Variants in TSR2 observed in about 807,000 individuals in gnomAD.
TSR2 encodes TSR2 ribosome maturation factor.
Under a neutral mutation model 13.3 loss-of-function variants are expected in TSR2, and 1 was observed. The ratio of observed to expected loss-of-function variants is 0.08; its 90% CI spans 0.03 to 0.36. The LOEUF (loss-of-function observed/expected upper bound fraction) is 0.36. Ranked by LOEUF, TSR2 falls within the 10% of genes least tolerant of loss-of-function variation. The probability of loss-of-function intolerance (pLI) is 0.99; values close to 1 mark genes in which losing one functional copy is unlikely to be tolerated. For missense variants in TSR2, 120 were observed against 151.1 expected, an observed-to-expected ratio of 0.79 and a Z score of 1.08; for synonymous variants, 60 against 57.7, an observed-to-expected ratio of 1.04 and a Z score of -0.18.
At chrX:54,441,205 T>C (rs1171276731) in intron 2 of TSR2, among the ~76,000 whole-genome samples, 1 of 112,333 alleles carries the variant, frequency 8.9e-6, no homozygotes, top group Admixed American at 9.4e-5. Context: ...TGAGATATTT[T>C]ACATTTTTTA....
chrX:54,447,915 G>A lies in TSR2; in HGVS notation c.*3365G>A, dbSNP rs746103628. 8.9e-6 allele frequency among the ~76,000 whole-genome samples: 1 copy of A among 112,107 alleles called. No individual in the cohort carries two copies. Among genetic ancestry groups the A allele is most frequent in the South Asian group, 3.7e-4 (1 of 2,688 alleles). On this transcript the variant is annotated 3_prime_UTR_variant, in exon 5 of 5. Coordinates refer to ENST00000375151, the MANE Select transcript of TSR2 (RefSeq NM_058163.3). ...AAAATGTATTGACTTGGAGAGCAAAGAGAGCTGATGTGAGAATTAAATGAA... is the reference window on the plus strand; with the variant it reads ...AAAATGTATTGACTTGGAGAGCAAAAAGAGCTGATGTGAGAATTAAATGAA...
At chrX:54,440,606 G>A (rs1921890841) in intron 1 of TSR2, 84 bp from the exon 2 acceptor site, 3 of 1,139,258 alleles carry the variant, frequency 2.6e-6, no homozygotes, top group Non-Finnish European at 3.6e-6. Flanking sequence ...CATAAGAGGA[G>A]TTGGCTGGGC....
In TSR2 at chrX:54,445,634, TG is replaced by T. The variant is rs1425907655; in HGVS notation, c.*1087del. 1 of 117,219 alleles carries T rather than the reference TG, an allele frequency of 8.5e-6. No homozygotes were observed. The highest frequency in any genetic ancestry group is 3.3e-5 in the African/African-American group (1 of 30,711). The allele number at this position is 117,219 out of a possible 1,213,427, so 9.7% of individuals were successfully genotyped here. A position where few individuals can be genotyped will look rare whatever the true frequency, so the allele number is the denominator to read the frequency against. ...GGGGCCGGGTAGAAGCTGTAAGCCA[TG>T]GGAGAGGCAGGAGAGGTCTAGTTGC... On this transcript the variant is annotated 3_prime_UTR_variant, in exon 5 of 5. Transcript: ENST00000375151.
chrX:54,446,109 C>T lies in TSR2; in HGVS notation c.*1559C>T. ...GGGCTCCCAGTTTGTCCCAAACCCT[C>T]TAGGTCTTGTCTCGGGTCTGGGGGG... On this transcript the variant is annotated 3_prime_UTR_variant, in exon 5 of 5. Coordinates refer to ENST00000375151, the MANE Select transcript of TSR2 (RefSeq NM_058163.3). 8.3e-7 allele frequency: 1 copy of T among 1,206,315 alleles called. No homozygotes were observed. Among genetic ancestry groups the T allele is most frequent in the Non-Finnish European group, 1.1e-6 (1 of 892,761 alleles).
rs1922262035 is a variant in TSR2 at position 54,447,703 on chromosome X, T to TAA, written c.*3153_*3154insAA. Among the ~76,000 whole-genome samples the TAA allele has an allele frequency of 1.8e-5, 2 of 112,548 alleles. No individual in the cohort carries two copies. Among genetic ancestry groups the TAA allele is most frequent in the Non-Finnish European group, 3.8e-5 (2 of 53,326 alleles). ...CAGGCCAGTGGAAGGAGTGTGCGGA[T>TAA]CTCAGGCATTCTTTCTTCAGTCAGA... On this transcript the variant is annotated 3_prime_UTR_variant, in exon 5 of 5. Transcript: ENST00000375151.
rs1021456673 is a variant in TSR2 at position 54,447,424 on chromosome X, C to T, written c.*2874C>T. The T allele has an allele frequency of 1.5e-5, 18 of 1,209,881 alleles. No individual in the cohort carries two copies. Among genetic ancestry groups the T allele is most frequent in the Middle Eastern group, 2.3e-4 (1 of 4,352 alleles). On this transcript the variant is annotated 3_prime_UTR_variant, in exon 5 of 5. Coordinates refer to ENST00000375151, the MANE Select transcript of TSR2 (RefSeq NM_058163.3). ...ATGTAGTGCAGGAAGCTGCAGATGA[C>T]GCTGTTCTCTGCAGCCACTGAGGCC...
Position 54,446,721 on chromosome X carries a change from C to CTTTT in TSR2, c.*2188_*2191dup, listed in dbSNP as rs1226487472. 1.1e-3 allele frequency among the ~76,000 whole-genome samples: 98 copies of CTTTT among 87,675 alleles called. 1 individual carries two copies. The highest frequency in any genetic ancestry group is 3.8e-3 in the African/African-American group (87 of 23,029). 76.1% of individuals were successfully genotyped at this position (87,675 alleles called of 115,157 possible). On this transcript the variant is annotated 3_prime_UTR_variant, in exon 5 of 5. Coordinates refer to ENST00000375151, the MANE Select transcript of TSR2 (RefSeq NM_058163.3). Reference sequence around the variant, plus strand: ...CTATGCTATTGCCCCTATCTGCATACTTTTTTTTTTTTTTTTTTTTGAGAC... The same window carrying CTTTT: ...CTATGCTATTGCCCCTATCTGCATACTTTTTTTTTTTTTTTTTTTTTTTTGAGAC...
Position 54,446,005 on chromosome X carries a change from G to A in TSR2, c.*1455G>A, listed in dbSNP as rs1922148990. 6.8e-6 allele frequency: 4 copies of A among 587,574 alleles called. No homozygotes were observed. The South Asian group carries it at 1.3e-4, about 18-fold the overall frequency. 48.4% of individuals were successfully genotyped at this position (587,574 alleles called of 1,213,427 possible). A position where few individuals can be genotyped will look rare whatever the true frequency, so the allele number is the denominator to read the frequency against. Reference sequence around the variant, plus strand: ...TTCGGGATTGAAAGTGCCCGTGATGGGAGTTCAAGTATTGACTGAGCTGGG... The same window carrying A: ...TTCGGGATTGAAAGTGCCCGTGATGAGAGTTCAAGTATTGACTGAGCTGGG... On this transcript the variant is annotated 3_prime_UTR_variant, in exon 5 of 5. Transcript: ENST00000375151.
intron 1 of TSR2, 79 bp from the exon 2 acceptor site, chrX:54,440,611 C>T (rs937584623): frequency 2.6e-5 from 30 of 1,135,508 alleles, no homozygotes; most frequent in African/African-American, 3.6e-5. Context: ...GAGGAGTTGG[C>T]TGGGCGGCGT....
chrX:54,440,837 C>A, intron 2 of TSR2, 57 bp downstream of exon 2: 1 of 968,218 alleles, frequency 1.0e-6, no homozygotes, highest in Non-Finnish European at 1.4e-6. Flanking sequence ...GAGGAGGAGC[C>A]CCATCCCGCA....
chrX:54,440,722 C>T lies in TSR2; in HGVS notation c.114C>T (p.His38=). Reference sequence around the variant, plus strand: ...TGGAGAATGGCTTCGGGGGTGTGCACAGCCAGGAGAAGGCCAAGTGGCTGG... The same window carrying T: ...TGGAGAATGGCTTCGGGGGTGTGCATAGCCAGGAGAAGGCCAAGTGGCTGG... ...IAVENGFGGV[H]SQEKAKWLGG... The change falls in exon 2 of 5, where the codon CAC becomes CAT. Residue 38 remains histidine, a synonymous_variant. Coordinates refer to ENST00000375151, the MANE Select transcript of TSR2 (RefSeq NM_058163.3). 3 of 1,209,215 alleles carry T rather than the reference C, an allele frequency of 2.5e-6. No individual in the cohort carries two copies. Among genetic ancestry groups the T allele is most frequent in the East Asian group, 3.0e-5 (1 of 33,572 alleles).
Position 54,444,764 on chromosome X carries a change from T to G in TSR2, c.*214T>G. 1 of 316,332 alleles carries G rather than the reference T, an allele frequency of 3.2e-6. No homozygotes were observed. The highest frequency in any genetic ancestry group is 5.4e-5 in the East Asian group (1 of 18,518). 26.1% of individuals were successfully genotyped at this position (316,332 alleles called of 1,213,427 possible). On this transcript the variant is annotated 3_prime_UTR_variant, in exon 5 of 5. Coordinates refer to ENST00000375151, the MANE Select transcript of TSR2 (RefSeq NM_058163.3). Reference sequence around the variant, plus strand: ...CTTTTCCAGCATATTCCCCTGGGCCTTTAGTTAACATCCGAGTGACGAAGC... The same window carrying G: ...CTTTTCCAGCATATTCCCCTGGGCCGTTAGTTAACATCCGAGTGACGAAGC...
At position 54,440,486 on chromosome X, in the gene TSR2, C is replaced by A; in HGVS notation, c.65C>A (p.Ala22Asp). 1 of 1,138,707 alleles carries A rather than the reference C, an allele frequency of 8.8e-7. No homozygotes were observed. The highest frequency in any genetic ancestry group is 1.2e-6 in the Non-Finnish European group (1 of 862,036). 93.8% of individuals were successfully genotyped at this position (1,138,707 alleles called of 1,213,427 possible). ...GCTGGGGTCTGCGCGGCCCTGGAGG[C>A]CTGGCCGGCCTTGCAGGTCAGTGGG... The part of the protein sequence containing the change: ...FRAGVCAALE[A>D]WPALQIAVEN... Residue 22 changes from alanine (A) to aspartate (D), a missense_variant, in exon 1 of 5, where the codon GCC becomes GAC. Ala to Asp is a moderately radical substitution (Grantham distance 126). Coordinates refer to ENST00000375151, the MANE Select transcript of TSR2 (RefSeq NM_058163.3).
chrX:54,440,525 CA>C, intron 1 of TSR2, 23 bp downstream of exon 1: 1 of 1,141,442 alleles, frequency 8.8e-7, no homozygotes, highest in Non-Finnish European at 1.2e-6. Flanking sequence ...AGGGCCAGGG[CA>C]AGGTCAAGGT....
At chrX:54,443,884 G>T in intron 3 of TSR2, 124 bp from the exon 4 acceptor site, 1 of 1,000,927 alleles carries the variant, frequency 1.0e-6, no homozygotes. Context: ...TAATTCCTTG[G>T]GGAGGAAAGA....
Position 54,443,519 on chromosome X carries a change from T to TCTCC in TSR2, c.264+31_264+34dup, listed in dbSNP as rs757719435. 3.8e-6 allele frequency: 4 copies of TCTCC among 1,041,106 alleles called. No homozygotes were observed. In the East Asian group the frequency reaches 1.3e-4, roughly 33 times the overall value. The allele number at this position is 1,041,106 out of a possible 1,213,427, so 85.8% of individuals were successfully genotyped here. On this transcript the variant is annotated intron_variant, in intron 3 of 4. Transcript: ENST00000375151. ...GAGCTTATCACGGGCACAACTGCAG[T>TCTCC]CTCCCTACCTGTAGTCTTTCTTCTC...
Position 54,444,494 on chromosome X carries a change from A to G in TSR2, c.520A>G (p.Ile174Val). 2.5e-6 allele frequency: 3 copies of G among 1,211,014 alleles called. No homozygotes were observed. The highest frequency in any genetic ancestry group is 3.4e-6 in the Non-Finnish European group (3 of 894,870). The change falls in exon 5 of 5, where the codon ATT (isoleucine) becomes GTT (valine). Residue 174 changes from isoleucine to valine, a missense_variant. By Grantham distance (29) the Ile-to-Val change is conservative. This residue lies in a region of TSR2 where 55 missense variants were observed against 61.3 expected (regional missense o/e 0.90). Coordinates refer to ENST00000375151, the MANE Select transcript of TSR2 (RefSeq NM_058163.3). ...ACCCTCTGATCCAGACGCTCAGACTATTAAGGAAGAGGATATAGTGGAAGA... is the reference window on the plus strand; with the variant it reads ...ACCCTCTGATCCAGACGCTCAGACTGTTAAGGAAGAGGATATAGTGGAAGA... ...PEPSDPDAQT[I>V]KEEDIVEDGW...
chrX:54,440,556 G>C (rs1449021699), intron 1 of TSR2, 54 bp downstream of exon 1: 8 of 1,134,798 alleles, frequency 7.0e-6, no homozygotes, highest in Non-Finnish European at 8.3e-6. Flanking sequence ...GGGCAGAACA[G>C]GAGTTGGTTG....
At chrX:54,442,455 A>G (rs1267088373) in intron 2 of TSR2, among the ~76,000 whole-genome samples, 1 of 111,663 alleles carries the variant, frequency 9.0e-6, no homozygotes, top group Admixed American at 9.6e-5. Context: ...GGCTTTAGAT[A>G]TGGAAGATCT....
Sources: gnomAD v4.1 joint callset for allele counts (sites outside exome capture counted in the v4.1 genomes callset) on GRCh38, gnomAD v4.1.1 for gene constraint, gnomAD v4.1.1 regional missense constraint, MANE v1.5 for transcripts, NCBI Gene and HGNC (gene_info 2026-07-23, HGNC 2026-07-21) for gene names.